The following AGAP1 variants were observed in gnomAD, a reference collection of about 807,000 sequenced individuals.
AGAP1 encodes arf-GAP with GTPase, ANK repeat and PH domain-containing protein 1.
Under a neutral mutation model 105.3 loss-of-function variants are expected in AGAP1, and 29 were observed. That is an observed-to-expected ratio of 0.28 (90% confidence interval 0.21 to 0.38). The LOEUF is 0.38. Ranked by LOEUF, AGAP1 falls within the 10% of genes least tolerant of loss-of-function variation. AGAP1 has a pLI of 1.00. For missense variants in AGAP1, 998 were observed against 1,165.1 expected (o/e 0.86, Z 2.09); for synonymous variants, 509 against 485.9 (o/e 1.05, Z -0.63).
chr2:236,025,943 G>C (rs1042276249), intron 13 of AGAP1, among the ~76,000 whole-genome samples: 2 of 152,030 alleles, frequency 1.3e-5, no homozygotes, highest in Admixed American at 6.5e-5. Flanking sequence ...TGGATGGATG[G>C]ATGTCTTATG....
chr2:235,671,474 G>A (rs570413354), intron 1 of AGAP1, among the ~76,000 whole-genome samples: 130 of 152,324 alleles, frequency 8.5e-4, no homozygotes, highest in Non-Finnish European at 1.0e-4. Flanking sequence ...GGGAGAAGCC[G>A]GCATTCATCC....
rs186113375 is a variant in AGAP1, at chr2:235,761,554, C to A, written c.673+11066C>A. Among the ~76,000 whole-genome samples, 667 of 152,298 alleles carry A rather than the reference C, an allele frequency of 4.4e-3. 7 individuals are homozygous for A. Among genetic ancestry groups the A allele is most frequent in the African/African-American group, 0.015 (629 of 41,560 alleles). On this transcript the variant is annotated intron_variant, in intron 6 of 17. Coordinates refer to ENST00000304032, the MANE Select transcript of AGAP1 (RefSeq NM_001037131.3). ...AATGACTTGAGCCAGCTTGAATTAG[C>A]GTGATGTATCATTAATGCATACAAA...
chr2:235,956,976 A>C (rs2125292915), intron 12 of AGAP1, among the ~76,000 whole-genome samples: 1 of 152,354 alleles, frequency 6.6e-6, no homozygotes, highest in South Asian at 2.1e-4. Context: ...ATTTAATACA[A>C]CGACCTCTCC....
At position 235,516,048 on chromosome 2, in the gene AGAP1, GGGCTCCT is replaced by G. The variant is rs1942365763; in HGVS notation, c.163+21200_163+21206del. Among the ~76,000 whole-genome samples, 10 of 104,906 alleles carry G rather than the reference GGGCTCCT, an allele frequency of 9.5e-5. No individual in the cohort carries two copies. In the Admixed American group the frequency reaches 9.6e-4, roughly 10 times the overall value. The allele number at this position is 104,906 out of a possible 152,430, so 68.8% of individuals were successfully genotyped here. On this transcript the variant is annotated intron_variant, in intron 1 of 17. Coordinates refer to ENST00000304032, the MANE Select transcript of AGAP1 (RefSeq NM_001037131.3). ...GTATGGGCTCCTGTTCCTGCCGCAT[GGGCTCCT>G]CTGCTGCTGCTGCTGCTGCTGCTGC...
At chr2:235,928,819 C>T (rs1435717129) in intron 11 of AGAP1, among the ~76,000 whole-genome samples, 3 of 152,212 alleles carry the variant, frequency 2.0e-5, no homozygotes, top group African/African-American at 7.2e-5. Flanking sequence ...CAGGGAGGAG[C>T]ATGAGTGCTC....
chr2:235,501,889 T>G (rs528360239), intron 1 of AGAP1, among the ~76,000 whole-genome samples: 1 of 152,322 alleles, frequency 6.6e-6, no homozygotes, highest in South Asian at 2.1e-4. Context: ...GGTTCTGATC[T>G]GGTGCTTAGC....
At position 235,822,171 on chromosome 2, in the gene AGAP1, T is replaced by G. The variant is rs545826286; in HGVS notation, c.1050+14840T>G. Among the ~76,000 whole-genome samples the G allele has an allele frequency of 5.1e-4, 77 of 152,370 alleles. 1 individual carries two copies. Among genetic ancestry groups the G allele is most frequent in the Non-Finnish European group, 7.8e-4 (53 of 68,026 alleles). ...TACTTTGAGGCTGTGCTGATCATTT[T>G]TAGTGATAGACGTTGTACTCAATAA... On this transcript the variant is annotated intron_variant, in intron 9 of 17. Transcript: ENST00000304032.
chr2:235,910,612 G>A (rs1025899513), intron 11 of AGAP1, among the ~76,000 whole-genome samples: 20 of 152,174 alleles, frequency 1.3e-4, no homozygotes, highest in Admixed American at 5.2e-4. Flanking sequence ...ATAAACTCAT[G>A]CATTTATTCA....
chr2:236,038,819 A>ATG lies in AGAP1; in HGVS notation c.1801-1903_1801-1902dup, dbSNP rs3030744. On this transcript the variant is annotated intron_variant, in intron 14 of 17. Transcript: ENST00000304032. This position sits in a 1 kb window ranked among gnomAD's most constrained non-coding sequence, Gnocchi z 4.5. Reference sequence around the variant, plus strand: ...GAGAGACAGAGGCACATCCCTTTGTATGTGTGTGTGTGTGTGTGTGTGTGT... The same window carrying ATG: ...GAGAGACAGAGGCACATCCCTTTGTATGTGTGTGTGTGTGTGTGTGTGTGTGT... Among the ~76,000 whole-genome samples the ATG allele has an allele frequency of 0.03, 2,844 of 95,720 alleles. 79 individuals are homozygous for ATG. Among genetic ancestry groups the ATG allele is most frequent in the Admixed American group, 0.12 (1,299 of 10,394 alleles). The allele number at this position is 95,720 out of a possible 152,430, so 62.8% of individuals were successfully genotyped here.
intron 11 of AGAP1, among the ~76,000 whole-genome samples, chr2:235,926,573 G>T (rs1261092329): frequency 1.3e-5 from 2 of 152,206 alleles, no homozygotes; most frequent in African/African-American, 4.8e-5. Flanking sequence ...ATATGTTTCT[G>T]CATTATCACA....
rs547003696 is a variant in AGAP1 at position 236,075,110 on chromosome 2, G to A, written c.2114+25829G>A. On this transcript the variant is annotated intron_variant, in intron 16 of 17. Coordinates refer to ENST00000304032, the MANE Select transcript of AGAP1 (RefSeq NM_001037131.3). ...AAGTGATTGATTCGGTTTACATGGC[G>A]TCTCAGAAAAGGCCAGTCTGTAGAG... is the stretch of plus-strand genomic sequence containing the variant. Among the ~76,000 whole-genome samples the A allele has an allele frequency of 5.3e-5, 8 of 152,218 alleles. No individual in the cohort carries two copies. In the South Asian group the frequency reaches 6.2e-4, roughly 12 times the overall value.
At chr2:235,508,542 G>A (rs1019506115) in intron 1 of AGAP1, among the ~76,000 whole-genome samples, 2 of 152,134 alleles carry the variant, frequency 1.3e-5, no homozygotes, top group Admixed American at 6.5e-5. Context: ...AGTTGGTGGC[G>A]GCTGGGATGC....
intron 1 of AGAP1, among the ~76,000 whole-genome samples, chr2:235,561,170 A>G (rs1434651121): frequency 1.3e-5 from 2 of 152,160 alleles, no homozygotes; most frequent in Non-Finnish European, 2.9e-5. Context: ...ATGTGAACAC[A>G]GAGTTTCTGC....
At chr2:236,088,044 A>G (rs2058974654) in intron 16 of AGAP1, among the ~76,000 whole-genome samples, 1 of 152,200 alleles carries the variant, frequency 6.6e-6, no homozygotes, top group South Asian at 2.1e-4. Context: ...CTCCTGAGCA[A>G]GAAAGACCCT....
chr2:235,940,705 G>T (rs1207803406), intron 12 of AGAP1, among the ~76,000 whole-genome samples: 1 of 152,162 alleles, frequency 6.6e-6, no homozygotes, highest in Non-Finnish European at 1.5e-5. Flanking sequence ...TGGTCATCCT[G>T]CCCCTGGCAT....
At chr2:235,505,215 A>G (rs35697336) in intron 1 of AGAP1, among the ~76,000 whole-genome samples, 94,606 of 152,186 alleles carry the variant, frequency 0.62, 29,945 homozygotes, top group South Asian at 0.72. Flanking sequence ...GTTTGTAGCA[A>G]TTATGCTGAA....
intron 1 of AGAP1, among the ~76,000 whole-genome samples, chr2:235,607,297 C>T (rs900149081): frequency 3.3e-5 from 5 of 152,196 alleles, no homozygotes; most frequent in African/African-American, 1.2e-4. Flanking sequence ...CCCACCAGTA[C>T]TTGGGTTCTA....
chr2:236,064,350 G>A (rs558706978), intron 16 of AGAP1, among the ~76,000 whole-genome samples: 45 of 152,294 alleles, frequency 3.0e-4, no homozygotes, highest in African/African-American at 8.9e-4. Context: ...AGCACTTTGG[G>A]GAGGCCGAGG....
chr2:236,092,818 G>C lies in AGAP1; in HGVS notation c.2115-27374G>C, dbSNP rs908451946. Among the ~76,000 whole-genome samples the C allele has an allele frequency of 8.5e-5, 13 of 152,330 alleles. No homozygotes were observed. Among genetic ancestry groups the C allele is most frequent in the African/African-American group, 2.9e-4 (12 of 41,572 alleles). ...AGAATCAGGGCTCCTTGGAGAAATG[G>C]CTCATTCCAGATCTGGTTGAGAAGT... On this transcript the variant is annotated intron_variant, in intron 16 of 17. Transcript: ENST00000304032. The surrounding 1 kb of genome is among the most constrained non-coding windows in gnomAD (Gnocchi z 4.7).
Sources: allele counts gnomAD v4.1 joint callset (sites outside exome capture counted in the v4.1 genomes callset), GRCh38; gene constraint gnomAD v4.1.1; non-coding constraint Gnocchi (gnomAD v3.1); transcripts MANE v1.5; gene names NCBI Gene and HGNC (gene_info 2026-07-23, HGNC 2026-07-21).